Variants in CACNA1G observed in about 807,000 individuals in gnomAD.
The protein encoded by CACNA1G is voltage-dependent T-type calcium channel subunit alpha-1G.
In CACNA1G, 67 loss-of-function variants were observed where a neutral mutation model predicts 219.4. The observed-to-expected ratio is 0.31, with a 90% CI of 0.25 to 0.37. The LOEUF (loss-of-function observed/expected upper bound fraction) is 0.37. CACNA1G is among the 10% of genes least tolerant of loss of function. The pLI, the probability that CACNA1G is intolerant of heterozygous loss-of-function variation, is 1.00. For missense variants in CACNA1G, 2,380 were observed against 3,231.4 expected (o/e 0.74, Z 6.39); for synonymous variants, 1,296 against 1,345.3 (o/e 0.96, Z 0.80).
chr17:50,584,315 C>T (rs1252464037), intron 9 of CACNA1G, among the ~76,000 whole-genome samples: 1 of 151,868 alleles, frequency 6.6e-6, no homozygotes, highest in Admixed American at 6.6e-5. Context: ...CTGAGGAATG[C>T]TGGCCTGAGG....
At chr17:50,562,040 T>G (rs1337036137) in intron 1 of CACNA1G, 2 of 205,324 alleles carry the variant, frequency 9.7e-6, no homozygotes, top group African/African-American at 4.7e-5. Flanking sequence ...GTCGTCATCC[T>G]CCAGATGTGG....
intron 1 of CACNA1G, among the ~76,000 whole-genome samples, chr17:50,564,345 C>A (rs574626207): frequency 2.6e-5 from 4 of 151,982 alleles, no homozygotes; most frequent in African/African-American, 9.7e-5. Context: ...CATTCCCTCT[C>A]TGGCTGTTGT....
rs1367975485 is a variant in CACNA1G, at chr17:50,617,911, G to T, written c.5208G>T (p.Val1736=). 2.5e-6 allele frequency: 4 copies of T among 1,613,806 alleles called. No homozygotes were observed. Among genetic ancestry groups the T allele is most frequent in the Non-Finnish European group, 3.4e-6 (4 of 1,179,882 alleles). Residue 1736 remains valine (V), a synonymous_variant, in exon 30 of 38, where the codon GTG becomes GTT. Transcript: ENST00000359106. This position sits in a 1 kb window ranked among gnomAD's most constrained non-coding sequence, Gnocchi z 5.8. ...AVGMRALLDT[V]MQALPQVGNL... is the part of the protein sequence containing the mutation. ...GCATGCGGGCGCTGCTGGACACGGT[G>T]ATGCAGGCCCTGCCCCAGGTAGCCG...
intron 1 of CACNA1G, among the ~76,000 whole-genome samples, chr17:50,568,409 G>T (rs1387607094): frequency 6.6e-6 from 1 of 152,206 alleles, no homozygotes; most frequent in Non-Finnish European, 1.5e-5. Flanking sequence ...CTGTGGCATT[G>T]TGTGAAAGTG....
At chr17:50,613,188 G>A (rs2146137676) in intron 26 of CACNA1G, among the ~76,000 whole-genome samples, 1 of 152,342 alleles carries the variant, frequency 6.6e-6, no homozygotes, top group South Asian at 2.1e-4. Flanking sequence ...AGCTGAATGA[G>A]TCACTTTTTG....
intron 10 of CACNA1G, 116 bp downstream of exon 10, chr17:50,590,738 C>T (rs1256370480): frequency 2.2e-6 from 2 of 918,162 alleles, no homozygotes; most frequent in East Asian, 2.7e-5. Flanking sequence ...TCAGGCCCCA[C>T]TGACCCCACA....
At position 50,617,761 on chromosome 17, in the gene CACNA1G, C is replaced by A; in HGVS notation, c.5156-98C>A. ...TGCAACCTGGCTGGCCCGGAGATGG[C>A]CATCCCAGCAGCCCCAGCCCAGCCC... is the stretch of plus-strand genomic sequence containing the variant. On this transcript the variant is annotated intron_variant, in intron 29 of 37. Coordinates refer to ENST00000359106, the MANE Select transcript of CACNA1G (RefSeq NM_018896.5). The surrounding 1 kb of genome is among the most constrained non-coding windows in gnomAD (Gnocchi z 5.8). The A allele has an allele frequency of 6.8e-7, 1 of 1,462,166 alleles. No individual in the cohort carries two copies. Among genetic ancestry groups the A allele is most frequent in the Non-Finnish European group, 9.4e-7 (1 of 1,064,776 alleles). The allele number at this position is 1,462,166 out of a possible 1,614,324, so 90.6% of individuals were successfully genotyped here. A position where few individuals can be genotyped will look rare whatever the true frequency, so the allele number is the denominator to read the frequency against.
In CACNA1G at chr17:50,608,025, G is replaced by A; in HGVS notation, c.4705+6G>A. The A allele has an allele frequency of 8.1e-6, 13 of 1,600,494 alleles. No individual in the cohort carries two copies. Among genetic ancestry groups the A allele is most frequent in the Non-Finnish European group, 1.1e-5 (13 of 1,173,382 alleles). On this transcript the variant is annotated splice_donor_region_variant and intron_variant, in intron 25 of 37. Coordinates refer to ENST00000359106, the MANE Select transcript of CACNA1G (RefSeq NM_018896.5). ...ACTGGAGAAAAAGAGAAGGAGTAAG[G>A]AGAAGCAGATGGCTGGTCGGTAGTC...
rs2051336171 is a variant in CACNA1G at position 50,619,734 on chromosome 17, T to C, written c.5833T>C (p.Trp1945Arg). The stretch of plus-strand genomic sequence containing the variant: ...CCTGCTGATCCAGGGCTCCCTGGAG[T>C]GGGAGCTGAAGCTGATGGACGAGCT... ...ISLLIQGSLE[W>R]ELKLMDELAG... The change falls in exon 34 of 38, where the codon TGG becomes CGG. Residue 1945 changes from tryptophan (W) to arginine (R), a missense_variant. Trp to Arg is a moderately radical substitution (Grantham distance 101). This residue lies in a region of CACNA1G where 672 missense variants were observed against 670.5 expected (regional missense o/e 1.00). Transcript: ENST00000359106. 2 of 1,610,028 alleles carry C rather than the reference T, an allele frequency of 1.2e-6. No homozygotes were observed. Among genetic ancestry groups the C allele is most frequent in the East Asian group, 2.2e-5 (1 of 44,816 alleles).
intron 4 of CACNA1G, among the ~76,000 whole-genome samples, chr17:50,570,745 AC>A (rs1253834657): frequency 6.6e-6 from 1 of 151,862 alleles, no homozygotes; most frequent in Non-Finnish European, 1.5e-5. Flanking sequence ...CTGTCTAACC[AC>A]CGGTGTAATT....
At position 50,626,970 on chromosome 17, in the gene CACNA1G, G is replaced by C. The variant is rs1306392929; in HGVS notation, c.*219G>C. ...GGCTCCAGGCAGAAGGAGAGGCCCG[G>C]TGCAGCTGAGGTTCCCGACACCAGA... is the stretch of plus-strand genomic sequence containing the variant. On this transcript the variant is annotated 3_prime_UTR_variant, in exon 38 of 38. Transcript: ENST00000359106. The surrounding 1 kb of genome is among the most constrained non-coding windows in gnomAD (Gnocchi z 4.3). 2 of 697,454 alleles carry C rather than the reference G, an allele frequency of 2.9e-6. No homozygotes were observed. Among genetic ancestry groups the C allele is most frequent in the Non-Finnish European group, 5.2e-6 (2 of 384,308 alleles). 43.2% of individuals were successfully genotyped at this position (697,454 alleles called of 1,614,324 possible).
In CACNA1G at chr17:50,627,192, G is replaced by A; in HGVS notation, c.*441G>A. 1 of 455,088 alleles carries A rather than the reference G, an allele frequency of 2.2e-6. No individual in the cohort carries two copies. Among genetic ancestry groups the A allele is most frequent in the Non-Finnish European group, 4.4e-6 (1 of 227,546 alleles). The allele number at this position is 455,088 out of a possible 1,614,324, so 28.2% of individuals were successfully genotyped here. On this transcript the variant is annotated 3_prime_UTR_variant, in exon 38 of 38. Transcript: ENST00000359106. ...TTGGCTATTTTAACCTAAAATAACA[G>A]TCTAGTTATATTCCCTCTTCTTGCA...
rs1567754023 is a variant in CACNA1G at position 50,616,404 on chromosome 17, T to A, written c.5021+20T>A. 7.1e-7 allele frequency: 1 copy of A among 1,417,366 alleles called. No individual in the cohort carries two copies. Among genetic ancestry groups the A allele is most frequent in the Non-Finnish European group, 1.0e-6 (1 of 1,002,160 alleles). 87.8% of individuals were successfully genotyped at this position (1,417,366 alleles called of 1,614,324 possible). On this transcript the variant is annotated intron_variant, in intron 28 of 37. Transcript: ENST00000359106. ...GGACAGGTAACGGAGAAAAGGGGGGTCTTGGGGACTTGCGTAGAGATAGAA... is the reference window on the plus strand; with the variant it reads ...GGACAGGTAACGGAGAAAAGGGGGGACTTGGGGACTTGCGTAGAGATAGAA...
chr17:50,573,063 A>G lies in CACNA1G; in HGVS notation c.1090A>G (p.Met364Val). 6.3e-7 allele frequency: 1 copy of G among 1,578,678 alleles called. No homozygotes were observed. The highest frequency in any genetic ancestry group is 8.6e-7 in the Non-Finnish European group (1 of 1,161,218). The change falls in exon 7 of 38, where the codon ATG becomes GTG. Residue 364 changes from methionine (M) to valine (V), a missense_variant. Coordinates refer to ENST00000359106, the MANE Select transcript of CACNA1G (RefSeq NM_018896.5). ...EGWVDIMYFV[M>V]DAHSFYNFIY... ...CTGGGTCGACATCATGTACTTTGTG[A>G]TGGATGCTCATTCCTTCTACAATTT...
intron 19 of CACNA1G, among the ~76,000 whole-genome samples, chr17:50,602,559 C>G (rs1052431892): frequency 2.6e-5 from 4 of 152,194 alleles, no homozygotes; most frequent in Non-Finnish European, 4.4e-5. Context: ...ATCCTCTCCC[C>G]CTTGGGCTAA....
rs2045483600 is a variant in CACNA1G, at chr17:50,596,076, C to CT, written c.2980-485dup. On this transcript the variant is annotated intron_variant, in intron 14 of 37. Transcript: ENST00000359106. The surrounding 1 kb of genome is among the most constrained non-coding windows in gnomAD (Gnocchi z 4.8). ...GAGGGACTGAAGTGGCGTCCTCGGG[C>CT]TGAGCTGTTCTGTCTGGGGTCTTTC... Among the ~76,000 whole-genome samples, 1 of 152,090 alleles carries CT rather than the reference C, an allele frequency of 6.6e-6. No individual in the cohort carries two copies.
At chr17:50,579,700 T>G (rs1044162758) in intron 9 of CACNA1G, among the ~76,000 whole-genome samples, 6 of 152,090 alleles carry the variant, frequency 3.9e-5, no homozygotes, top group African/African-American at 1.4e-4. Context: ...TTCCCTGGTT[T>G]GGAACGAAGG....
Position 50,569,201 on chromosome 17 carries a change from G to A in CACNA1G, c.391G>A (p.Glu131Lys). 6.2e-7 allele frequency: 1 copy of A among 1,613,922 alleles called. No homozygotes were observed. Among genetic ancestry groups the A allele is most frequent in the Non-Finnish European group, 8.5e-7 (1 of 1,179,864 alleles). ...DDFIFAFFAV[E>K]MVVKMVALGI... ...CTTCATCTTTGCCTTCTTTGCCGTG[G>A]AGATGGTGGTGAAGATGGTGGCCTT... Residue 131 changes from glutamate to lysine, a missense_variant, in exon 3 of 38, where the codon GAG becomes AAG. By Grantham distance (56) the Glu-to-Lys change is moderately conservative. Coordinates refer to ENST00000359106, the MANE Select transcript of CACNA1G (RefSeq NM_018896.5).
rs574805259 is a variant in CACNA1G at position 50,572,642 on chromosome 17, A to C, written c.835A>C (p.Met279Leu). The C allele has an allele frequency of 3.7e-6, 6 of 1,603,144 alleles. No homozygotes were observed. The African/African-American group carries it at 5.3e-5, about 14-fold the overall frequency. ...FICSQPRENG[M>L]RSCRSVPTLR... ...CTGCTCCCAGCCACGCGAGAACGGCATGCGGTCCTGCAGAAGCGTGCCCAC... is the reference window on the plus strand; with the variant it reads ...CTGCTCCCAGCCACGCGAGAACGGCCTGCGGTCCTGCAGAAGCGTGCCCAC... The change falls in exon 6 of 38, where the codon ATG becomes CTG. Residue 279 changes from methionine (M) to leucine (L), a missense_variant. Physicochemically the swap from Met to Leu is conservative, Grantham distance 15. Around this residue, in one of 17 missense-constraint regions of CACNA1G, gnomAD observed 68 missense variants for 85.3 expected, o/e 0.80. Transcript: ENST00000359106.
Sources: allele counts gnomAD v4.1 joint callset (sites outside exome capture counted in the v4.1 genomes callset), GRCh38; gene constraint gnomAD v4.1.1; regional missense constraint gnomAD v4.1.1; non-coding constraint Gnocchi (gnomAD v3.1); transcripts MANE v1.5; gene names NCBI Gene and HGNC (gene_info 2026-07-23, HGNC 2026-07-21).